The following PABPC4L variants were observed in gnomAD, a reference collection of about 807,000 sequenced individuals.
PABPC4L encodes the protein poly(A) binding protein cytoplasmic 4 like.
For synonymous variants in PABPC4L, 169 were observed against 164.1 expected (o/e 1.03, Z -0.23); for missense variants, 452 against 451.4 (o/e 1.00, Z -0.01).
chr4:133,984,183 A>G, the PABPC4L span, among the ~76,000 whole-genome samples: 2 of 151,886 alleles, frequency 1.3e-5, no homozygotes, highest in African/African-American at 4.8e-5. Flanking sequence ...CTTATGAAAG[A>G]TAATTATTGA....
chr4:134,040,136 A>C, the PABPC4L span, among the ~76,000 whole-genome samples: 1 of 151,540 alleles, frequency 6.6e-6, no homozygotes, highest in South Asian at 2.1e-4. Flanking sequence ...AAATGGCCAT[A>C]CTGTTCAAAG....
chr4:133,955,024 A>G, the PABPC4L span, among the ~76,000 whole-genome samples: 1 of 152,246 alleles, frequency 6.6e-6, no homozygotes, highest in South Asian at 2.1e-4. Flanking sequence ...TTTTGTTCCT[A>G]TTACAAACAT....
At chr4:134,028,810 A>G in the PABPC4L span, among the ~76,000 whole-genome samples, 1 of 152,296 alleles carries the variant, frequency 6.6e-6, no homozygotes, top group Non-Finnish European at 1.5e-5. Flanking sequence ...TTGGTGAATT[A>G]TCTCATTTAA....
the PABPC4L span, among the ~76,000 whole-genome samples, chr4:134,115,315 A>G: frequency 6.6e-6 from 1 of 151,854 alleles, no homozygotes; most frequent in African/African-American, 2.4e-5. Context: ...CTTATAGTCT[A>G]CTATGAAAGG....
chr4:134,123,783 C>T, the PABPC4L span, among the ~76,000 whole-genome samples: 1 of 151,110 alleles, frequency 6.6e-6, no homozygotes, highest in African/African-American at 2.4e-5. Flanking sequence ...GAAGAAATAT[C>T]AGATGTGAGC....
chr4:134,012,643 C>T, the PABPC4L span, among the ~76,000 whole-genome samples: 189 of 152,260 alleles, frequency 1.2e-3, 1 homozygote, highest in East Asian at 0.017. Context: ...TGACTTGGAT[C>T]GGGGGACCTC....
the PABPC4L span, among the ~76,000 whole-genome samples, chr4:134,170,650 C>T: frequency 6.6e-6 from 1 of 152,008 alleles, no homozygotes; most frequent in Non-Finnish European, 1.5e-5. Flanking sequence ...ACAACTAGAT[C>T]TTGTAAGAAC....
the PABPC4L span, among the ~76,000 whole-genome samples, chr4:134,096,230 A>G: frequency 2.9e-4 from 44 of 152,064 alleles, no homozygotes; most frequent in African/African-American, 1.1e-3. Flanking sequence ...TTTTTTTCAA[A>G]GTAAGAAGAT....
At chr4:134,181,250 A>G in the PABPC4L span, among the ~76,000 whole-genome samples, 2 of 152,120 alleles carry the variant, frequency 1.3e-5, no homozygotes, top group Admixed American at 1.3e-4. Flanking sequence ...CACCACATAA[A>G]CAGAACTAAA....
At chr4:134,037,998 T>C in the PABPC4L span, among the ~76,000 whole-genome samples, 3 of 152,208 alleles carry the variant, frequency 2.0e-5, no homozygotes, top group Non-Finnish European at 4.4e-5. Flanking sequence ...ATACGTTTCA[T>C]CAATACTTAG....
At chr4:133,968,138 C>A in the PABPC4L span, among the ~76,000 whole-genome samples, 1 of 152,100 alleles carries the variant, frequency 6.6e-6, no homozygotes, top group Non-Finnish European at 1.5e-5. Context: ...AGGAGATCAA[C>A]CCATACAAGA....
chr4:134,062,738 A>G, the PABPC4L span, among the ~76,000 whole-genome samples: 14 of 152,122 alleles, frequency 9.2e-5, no homozygotes. Context: ...CAGTGATATC[A>G]CTGTACAAAA....
the PABPC4L span, among the ~76,000 whole-genome samples, chr4:134,161,786 G>T: frequency 6.6e-6 from 1 of 152,078 alleles, no homozygotes; most frequent in Non-Finnish European, 1.5e-5. Flanking sequence ...TAGCACTGTA[G>T]CTGCAGTAAG....
chr4:134,071,144 C>G, the PABPC4L span, among the ~76,000 whole-genome samples: 1 of 152,168 alleles, frequency 6.6e-6, no homozygotes, highest in South Asian at 2.1e-4. Context: ...ATGGCAAGAG[C>G]ACGTTGCTCA....
At chr4:134,161,843 TA>T in the PABPC4L span, among the ~76,000 whole-genome samples, 1 of 152,002 alleles carries the variant, frequency 6.6e-6, no homozygotes, top group Non-Finnish European at 1.5e-5. Flanking sequence ...ACAAACCCAT[TA>T]AAAATAATAC....
At chr4:134,020,025 G>C in the PABPC4L span, among the ~76,000 whole-genome samples, 2 of 152,080 alleles carry the variant, frequency 1.3e-5, no homozygotes, top group Non-Finnish European at 2.9e-5. Context: ...CTCAAGTTAA[G>C]AGCTGAAATA....
At chr4:134,031,475 G>A in the PABPC4L span, among the ~76,000 whole-genome samples, 2 of 151,838 alleles carry the variant, frequency 1.3e-5, no homozygotes, top group Admixed American at 6.6e-5. Flanking sequence ...TTGTAAAATA[G>A]ACACATTTTT....
chr4:134,110,973 A>T, the PABPC4L span, among the ~76,000 whole-genome samples: 1 of 152,032 alleles, frequency 6.6e-6, no homozygotes, highest in Non-Finnish European at 1.5e-5. Context: ...ACAGACACAC[A>T]CTTGCCTTAG....
chr4:134,095,592 A>T, the PABPC4L span, among the ~76,000 whole-genome samples: 6 of 151,986 alleles, frequency 3.9e-5, no homozygotes, highest in Non-Finnish European at 2.9e-5. Context: ...TTAATATTCA[A>T]ATCTGCAACT....
Sources: gnomAD v4.1 joint callset for allele counts (sites outside exome capture counted in the v4.1 genomes callset) on GRCh38, gnomAD v4.1.1 for gene constraint, MANE v1.5 for transcripts, NCBI Gene and HGNC (gene_info 2026-07-23, HGNC 2026-07-21) for gene names.